LGSN: variants seen among roughly 807,000 people sequenced by gnomAD.
LGSN encodes the protein lengsin.
Under a neutral mutation model 19.5 loss-of-function variants are expected in LGSN, and 21 were observed. That is an observed-to-expected ratio of 1.07 (90% CI 0.76 to 1.55). The LOEUF (loss-of-function observed/expected upper bound fraction) is 1.55. Ranked by LOEUF, LGSN falls within the 40% of genes most tolerant of loss-of-function variation. The pLI is 0.00. For synonymous variants in LGSN, 257 were observed against 215.6 expected (o/e 1.19, Z -1.68); for missense variants, 673 against 608.5 (o/e 1.11, Z -1.12).
the LGSN span, among the ~76,000 whole-genome samples, chr6:63,371,523 C>T: frequency 2.0e-4 from 31 of 152,210 alleles, no homozygotes; most frequent in African/African-American, 7.0e-4. Context: ...ATGTAATCTC[C>T]GTTAGAGCCA....
chr6:63,359,205 CT>C, the LGSN span, among the ~76,000 whole-genome samples: 1 of 152,126 alleles, frequency 6.6e-6, no homozygotes, highest in Non-Finnish European at 1.5e-5. Context: ...GGTGGATAAG[CT>C]TTTTGATGTG....
Position 63,280,047 on chromosome 6 carries a change from TTC to T in LGSN, c.1502_1503del (p.Arg501LysfsTer2), listed in dbSNP as rs773380883. 43 of 1,607,654 alleles carry T rather than the reference TTC, an allele frequency of 2.7e-5. No individual in the cohort carries two copies. The highest frequency in any genetic ancestry group is 3.7e-5 in the Non-Finnish European group (43 of 1,177,292). On this transcript the variant is annotated frameshift_variant, in exon 4 of 4. Coordinates refer to ENST00000370657, the MANE Select transcript of LGSN (RefSeq NM_016571.3). LOFTEE classifies it high-confidence loss of function. Reference protein sequence around the residue: ...ELENEEIAAERNKFLEYFI With the variant: ...ELENEEIAAEXNKFLEYFI The stretch of plus-strand genomic sequence containing the variant: ...TAAATAAAATACTCTAAGAATTTAT[TTC>T]TCTCTGCAGCTATTTCTTCATTCTC...
the LGSN span, among the ~76,000 whole-genome samples, chr6:63,467,383 C>G: frequency 6.6e-6 from 1 of 151,912 alleles, no homozygotes; most frequent in East Asian, 1.9e-4. Context: ...GAACTCAGAG[C>G]AAAAATAAAA....
At chr6:63,330,544 C>A in the LGSN span, among the ~76,000 whole-genome samples, 1 of 152,192 alleles carries the variant, frequency 6.6e-6, no homozygotes, top group Non-Finnish European at 1.5e-5. Flanking sequence ...AATATATTTT[C>A]TTAAGGCCTC....
chr6:63,345,395 C>T, the LGSN span, among the ~76,000 whole-genome samples: 1 of 152,078 alleles, frequency 6.6e-6, no homozygotes, highest in Non-Finnish European at 1.5e-5. Flanking sequence ...ATAATAGTAG[C>T]TTAAACTAAC....
At chr6:63,447,409 A>G in the LGSN span, among the ~76,000 whole-genome samples, 901 of 152,346 alleles carry the variant, frequency 5.9e-3, 1 homozygote, top group Non-Finnish European at 9.9e-3. Context: ...GAAATGAAAT[A>G]GTAGTCTACA....
At chr6:63,296,000 G>A (rs79597597) in intron 1 of LGSN, among the ~76,000 whole-genome samples, 1 of 152,080 alleles carries the variant, frequency 6.6e-6, no homozygotes, top group East Asian at 1.9e-4. Flanking sequence ...AGCAGGCTCC[G>A]AGAGGTTTCA....
At chr6:63,306,527 T>C (rs1295774764) in intron 1 of LGSN, among the ~76,000 whole-genome samples, 1 of 152,182 alleles carries the variant, frequency 6.6e-6, no homozygotes, top group African/African-American at 2.4e-5. Context: ...TAACCTACTA[T>C]GGATAAGGCA....
Position 63,280,898 on chromosome 6 carries a change from A to C in LGSN, c.653T>G (p.Ile218Ser). 1 of 1,614,044 alleles carries C rather than the reference A, an allele frequency of 6.2e-7. No individual in the cohort carries two copies. Among genetic ancestry groups the C allele is most frequent in the Non-Finnish European group, 8.5e-7 (1 of 1,180,016 alleles). ...YDFCIFGVPE[I>S]LNSKIISFPA... Reference sequence around the variant, plus strand: ...AAAAGATATAATCTTTGAATTTAAAATTTCGGGCACACCAAAAATGCAAAA... The same window carrying C: ...AAAAGATATAATCTTTGAATTTAAACTTTCGGGCACACCAAAAATGCAAAA... The change falls in exon 4 of 4, where the codon ATT becomes AGT. Residue 218 changes from isoleucine to serine, a missense_variant. Physicochemically the swap from Ile to Ser is moderately radical, Grantham distance 142. Coordinates refer to ENST00000370657, the MANE Select transcript of LGSN (RefSeq NM_016571.3).
chr6:63,436,930 G>A, the LGSN span, among the ~76,000 whole-genome samples: 1 of 151,826 alleles, frequency 6.6e-6, no homozygotes, highest in Non-Finnish European at 1.5e-5. Context: ...CCAGCTACTC[G>A]GGAGGCTGAG....
the LGSN span, among the ~76,000 whole-genome samples, chr6:63,412,470 G>C: frequency 2.0e-5 from 2 of 101,326 alleles, no homozygotes; most frequent in African/African-American, 4.5e-5. Context: ...AAGAAAAAGA[G>C]AGAGAAGAAA....
chr6:63,327,345 G>A, the LGSN span, among the ~76,000 whole-genome samples: 1 of 152,196 alleles, frequency 6.6e-6, no homozygotes, highest in Non-Finnish European at 1.5e-5. Context: ...GACCTAGAAA[G>A]GGGAGAAGCC....
the LGSN span, among the ~76,000 whole-genome samples, chr6:63,526,987 G>C: frequency 1.3e-5 from 2 of 151,486 alleles, no homozygotes; most frequent in Non-Finnish European, 2.9e-5. Flanking sequence ...TCTTTATTAG[G>C]GCACTGCTTC....
At chr6:63,378,414 T>C in the LGSN span, among the ~76,000 whole-genome samples, 1 of 152,134 alleles carries the variant, frequency 6.6e-6, no homozygotes, top group Admixed American at 6.5e-5. Context: ...GGGGCAGATG[T>C]AATGTTTAAT....
chr6:63,362,553 C>T, the LGSN span, among the ~76,000 whole-genome samples: 1 of 152,302 alleles, frequency 6.6e-6, no homozygotes, highest in Non-Finnish European at 1.5e-5. Flanking sequence ...GATTATATCC[C>T]CCGCCTGGCT....
chr6:63,353,879 G>A, the LGSN span, among the ~76,000 whole-genome samples: 1 of 152,060 alleles, frequency 6.6e-6, no homozygotes, highest in East Asian at 1.9e-4. Context: ...AAGTTGCCAA[G>A]AATATACATT....
At chr6:63,412,420 A>G in the LGSN span, among the ~76,000 whole-genome samples, 12 of 126,814 alleles carry the variant, frequency 9.5e-5, no homozygotes, top group South Asian at 8.1e-4. Flanking sequence ...AGAAAGAAGA[A>G]AGAAAGAAAG....
At chr6:63,368,453 T>C in the LGSN span, among the ~76,000 whole-genome samples, 1 of 152,208 alleles carries the variant, frequency 6.6e-6, no homozygotes, top group Non-Finnish European at 1.5e-5. Flanking sequence ...TCCCAGAGAA[T>C]GCCAGGCTCT....
chr6:63,447,786 G>T, the LGSN span, among the ~76,000 whole-genome samples: 1 of 151,920 alleles, frequency 6.6e-6, no homozygotes, highest in Admixed American at 6.6e-5. Flanking sequence ...TCTAACCTTT[G>T]GGCAGTCTTC....
Sources: allele counts gnomAD v4.1 joint callset (sites outside exome capture counted in the v4.1 genomes callset), GRCh38; gene constraint gnomAD v4.1.1; transcripts MANE v1.5; gene names NCBI Gene and HGNC (gene_info 2026-07-23, HGNC 2026-07-21).